Variants in PLEC observed in about 807,000 individuals in gnomAD.
The protein encoded by PLEC is plectin, also known as hemidesmosomal protein 1.
PLEC carries 216 observed loss-of-function variants against 392.8 expected under a neutral mutation model. That is an observed-to-expected ratio of 0.55 (90% CI 0.49 to 0.62). The LOEUF (loss-of-function observed/expected upper bound fraction) is 0.62, where lower values mean the gene tolerates loss of function less well. Ranked by LOEUF, PLEC falls within the 20% of genes least tolerant of loss-of-function variation. The probability of loss-of-function intolerance (pLI) is 0.00; values close to 1 mark genes in which losing one functional copy is unlikely to be tolerated. For missense variants in PLEC, 6,863 were observed against 6,563.4 expected (o/e 1.05, Z -1.58); for synonymous variants, 3,621 against 2,980.6 (o/e 1.21, Z -7.00).
At position 143,924,427 on chromosome 8, in the gene PLEC, C is replaced by T; in HGVS notation, c.5502G>A (p.Val1834=). 1 of 1,587,760 alleles carries T rather than the reference C, an allele frequency of 6.3e-7. No homozygotes were observed. The highest frequency in any genetic ancestry group is 2.3e-5 in the East Asian group (1 of 44,012). ...AARQRAEAER[V]LAEKLAAIGE... ...CGATGGCGGCCAGCTTCTCCGCAAG[C>T]ACCCGCTCCGCCTCGGCCCGCTGCC... Residue 1834 remains valine (V), a synonymous_variant, in exon 31 of 32, where the codon GTG becomes GTA. Transcript: ENST00000345136.
chr8:143,917,141 A>C lies in PLEC; in HGVS notation c.12680T>G (p.Leu4227Arg). 6.2e-7 allele frequency: 1 copy of C among 1,604,278 alleles called. No homozygotes were observed. The highest frequency in any genetic ancestry group is 8.5e-7 in the Non-Finnish European group (1 of 1,172,588). Residue 4227 changes from leucine (L) to arginine (R), a missense_variant, in exon 32 of 32, where the codon CTC becomes CGC. Physicochemically the swap from Leu to Arg is moderately radical, Grantham distance 102 (BLOSUM62 -2). Transcript: ENST00000345136. ...SALDQYRAGT[L>R]SITEFADMLS... is the part of the protein sequence containing the mutation. The stretch of plus-strand genomic sequence containing the variant: ...CATGTCGGCGAACTCGGTGATGGAG[A>C]GCGTGCCGGCGCGGTACTGGTCCAG...
At chr8:143,960,382 C>G (rs1194886302) in intron 1 of PLEC, among the ~76,000 whole-genome samples, 4 of 151,996 alleles carry the variant, frequency 2.6e-5, no homozygotes, top group Non-Finnish European at 2.9e-5. Context: ...TTTGGGAGGT[C>G]AAGGCGGGCG....
Position 143,920,495 on chromosome 8 carries a change from T to A in PLEC, c.9326A>T (p.Tyr3109Phe), listed in dbSNP as rs1554681992. The change falls in exon 32 of 32, where the codon TAC (tyrosine) becomes TTC (phenylalanine). Residue 3109 changes from tyrosine (Y) to phenylalanine (F), a missense_variant. Tyr to Phe is a conservative substitution (Grantham distance 22). Coordinates refer to ENST00000345136, the MANE Select transcript of PLEC (RefSeq NM_201384.3). ...EKAVTGYRDP[Y>F]TGQSVSLFQA... ...GAACAGGGAGACGCTCTGCCCTGTGTAGGGGTCCCTGTACCCTGTCACAGC... is the reference window on the plus strand; with the variant it reads ...GAACAGGGAGACGCTCTGCCCTGTGAAGGGGTCCCTGTACCCTGTCACAGC... The A allele has an allele frequency of 6.2e-7, 1 of 1,609,646 alleles. No homozygotes were observed. Among genetic ancestry groups the A allele is most frequent in the Non-Finnish European group, 8.5e-7 (1 of 1,178,720 alleles).
chr8:143,971,805 C>T (rs1440585999), intron 1 of PLEC, among the ~76,000 whole-genome samples: 3 of 152,128 alleles, frequency 2.0e-5, no homozygotes, highest in African/African-American at 4.8e-5. Flanking sequence ...CCTGCCCCCT[C>T]ACCAGCCTCC....
chr8:143,925,284 C>A lies in PLEC; in HGVS notation c.4645G>T (p.Glu1549Ter). 1 of 1,576,428 alleles carries A rather than the reference C, an allele frequency of 6.3e-7. No individual in the cohort carries two copies. Among genetic ancestry groups the A allele is most frequent in the East Asian group, 2.3e-5 (1 of 43,354 alleles). Reference protein sequence around the residue: ...EELRLQAEEAERRLRQAEVER... With the variant: ...EELRLQAEEA Reference sequence around the variant, plus strand: ...ACCTCGGCCTGCCGCAGGCGCCGCTCCGCCTCCTCCGCCTGCAGCCGCAGC... The same window carrying A: ...ACCTCGGCCTGCCGCAGGCGCCGCTACGCCTCCTCCGCCTGCAGCCGCAGC... Residue 1549 changes from glutamate (E) to a stop codon, truncating the protein, a stop_gained, in exon 31 of 32, where the codon GAG becomes TAG. Coordinates refer to ENST00000345136, the MANE Select transcript of PLEC (RefSeq NM_201384.3). LOFTEE classifies it high-confidence loss of function.
At chr8:143,926,708 C>G in intron 30 of PLEC, 76 bp downstream of exon 30, 1 of 1,232,286 alleles carries the variant, frequency 8.1e-7, no homozygotes, top group Admixed American at 1.7e-5. Context: ...CCTCAGGCAG[C>G]TCCTGTGGCT....
chr8:143,935,819 C>T, intron 6 of PLEC, 29 bp downstream of exon 6: 1 of 1,611,486 alleles, frequency 6.2e-7, no homozygotes, highest in Non-Finnish European at 8.5e-7. Context: ...GCCCCCAGCC[C>T]ACAGCCCCCT....
At position 143,939,510 on chromosome 8, in the gene PLEC, C is replaced by T. The variant is rs1830009488; in HGVS notation, c.-49G>A. On this transcript the variant is annotated 5_prime_UTR_variant, in exon 1 of 32. Transcript: ENST00000345136. ...CGGACCCTCGGCCTCAGGCACGGTG[C>T]TCTGGGCAGCCCCGTGTGGCACACA... 1 of 1,574,306 alleles carries T rather than the reference C, an allele frequency of 6.4e-7. No individual in the cohort carries two copies. The highest frequency in any genetic ancestry group is 1.2e-5 in the South Asian group (1 of 86,618).
rs782818198 is a variant in PLEC at position 143,932,557 on chromosome 8, G to T, written c.1820C>A (p.Ser607Tyr). 1.2e-6 allele frequency: 2 copies of T among 1,612,528 alleles called. No individual in the cohort carries two copies. Among genetic ancestry groups the T allele is most frequent in the Non-Finnish European group, 1.7e-6 (2 of 1,179,934 alleles). The change falls in exon 16 of 32, where the codon TCC becomes TAC. Residue 607 changes from serine to tyrosine, a missense_variant. Physicochemically the swap from Ser to Tyr is moderately radical, Grantham distance 144. Transcript: ENST00000345136. ...CAGGGACCTGAGGCGGGCCTTGGAG[G>T]AGTTCTGTGGGCAGGAGGGTGCGTG... ...LDLQYAKLLN[S>Y]SKARLRSLES...
upstream of PLEC, among the ~76,000 whole-genome samples, chr8:143,951,131 C>T (rs1215352283): frequency 6.6e-6 from 1 of 152,116 alleles, no homozygotes; most frequent in Non-Finnish European, 1.5e-5. Flanking sequence ...TAAACACATC[C>T]TTCAAGGTCC....
In PLEC at chr8:143,934,918, C is replaced by T. The variant is rs886044812; in HGVS notation, c.837G>A (p.Leu279=). 6.2e-7 allele frequency: 1 copy of T among 1,611,324 alleles called. No homozygotes were observed. The highest frequency in any genetic ancestry group is 1.3e-5 in the African/African-American group (1 of 75,066). The change falls in exon 9 of 32, where the codon CTG becomes CTA. Residue 279 remains leucine, a synonymous_variant. Coordinates refer to ENST00000345136, the MANE Select transcript of PLEC (RefSeq NM_201384.3). ...QDGVRANELQ[L]RWQEYRELVL... is the part of the protein sequence containing the mutation. ...CCAGCTCCCGGTACTCCTGCCAGCG[C>T]AGCTGCAGCTCCTGCGGGCAGGCAC...
At position 143,918,809 on chromosome 8, in the gene PLEC, C is replaced by T. The variant is rs2857816; in HGVS notation, c.11012G>A (p.Arg3671Lys). ...ETYNLLREGT[R>K]SLREALEAES... is the part of the protein sequence containing the mutation. ...CGCCTCGAGAGCCTCACGGAGGCTC[C>T]TGGTGCCCTCCCGGAGCAGGTTGTA... The change falls in exon 32 of 32, where the codon AGG (arginine) becomes AAG (lysine). Residue 3671 changes from arginine to lysine, a missense_variant. Physicochemically the swap from Arg to Lys is conservative, Grantham distance 26 (BLOSUM62 2). Coordinates refer to ENST00000345136, the MANE Select transcript of PLEC (RefSeq NM_201384.3). 2 of 1,613,094 alleles carry T rather than the reference C, an allele frequency of 1.2e-6. No individual in the cohort carries two copies. The highest frequency in any genetic ancestry group is 1.7e-6 in the Non-Finnish European group (2 of 1,180,032).
rs782706731 is a variant in PLEC, at chr8:143,923,144, G to C, written c.6785C>G (p.Thr2262Arg). 2 of 1,603,156 alleles carry C rather than the reference G, an allele frequency of 1.2e-6. No individual in the cohort carries two copies. The highest frequency in any genetic ancestry group is 1.7e-6 in the Non-Finnish European group (2 of 1,179,852). Reference sequence around the variant, plus strand: ...AGCCTCCTCCTGCAGGAAGCGCTGCGTATTGTCCTTGTCACGCAAGATGAG... The same window carrying C: ...AGCCTCCTCCTGCAGGAAGCGCTGCCTATTGTCCTTGTCACGCAAGATGAG... ...RALILRDKDN[T>R]QRFLQEEAEK... is the part of the protein sequence containing the mutation. The change falls in exon 31 of 32, where the codon ACG becomes AGG. Residue 2262 changes from threonine to arginine, a missense_variant. Coordinates refer to ENST00000345136, the MANE Select transcript of PLEC (RefSeq NM_201384.3).
upstream of PLEC, chr8:143,943,716 G>A (rs1830924190): frequency 3.4e-6 from 5 of 1,473,296 alleles, no homozygotes; most frequent in South Asian, 1.2e-5. Flanking sequence ...GGAATGAAGG[G>A]GCGGGAGGCA....
At chr8:143,953,875 C>G, upstream of PLEC, 2 of 1,549,094 alleles carry the variant, frequency 1.3e-6, no homozygotes, top group Admixed American at 1.9e-5. Context: ...GCCCGGAGGT[C>G]CGGGGCAGGG....
chr8:143,957,639 C>G (rs1231079474), upstream of PLEC, among the ~76,000 whole-genome samples: 5 of 152,220 alleles, frequency 3.3e-5, no homozygotes, highest in Admixed American at 2.6e-4. Flanking sequence ...CTCCTCTTCA[C>G]CAGTCCCCAG....
At chr8:143,975,239 C>T (rs782602309), upstream of PLEC, 21 of 1,606,874 alleles carry the variant, frequency 1.3e-5, no homozygotes, top group Non-Finnish European at 1.8e-5. The surrounding 1 kb of genome is among the most constrained non-coding windows in gnomAD (Gnocchi z 9.9). Context: ...CCCAGCGCCA[C>T]CCCCGCTGCG....
At chr8:143,958,582 C>T (rs892348488), upstream of PLEC, 7 of 419,062 alleles carry the variant, frequency 1.7e-5, no homozygotes, top group African/African-American at 2.0e-5. The surrounding 1 kb of genome is among the most constrained non-coding windows in gnomAD (Gnocchi z 4.9). Context: ...TAGCCTCCCT[C>T]GTTGCCCCTC....
chr8:143,934,331 TG>T lies in PLEC; in HGVS notation c.1155del (p.Ser386AlafsTer13). 1 of 1,612,330 alleles carries T rather than the reference TG, an allele frequency of 6.2e-7. No individual in the cohort carries two copies. The highest frequency in any genetic ancestry group is 8.5e-7 in the Non-Finnish European group (1 of 1,179,912). ...VAILEREKQL[R>X]SEFERLECLQ... Reference sequence around the variant, plus strand: ...GGCCCCACCCACCTCTCAAACTCGCTGCGGAGCTGCTTCTCCCGCTCCAGGA... The same window carrying T: ...GGCCCCACCCACCTCTCAAACTCGCTCGGAGCTGCTTCTCCCGCTCCAGGA... On this transcript the variant is annotated frameshift_variant, in exon 11 of 32. Coordinates refer to ENST00000345136, the MANE Select transcript of PLEC (RefSeq NM_201384.3). LOFTEE classifies it high-confidence loss of function.
Sources: allele counts gnomAD v4.1 joint callset (sites outside exome capture counted in the v4.1 genomes callset), GRCh38; gene constraint gnomAD v4.1.1; non-coding constraint Gnocchi (gnomAD v3.1); transcripts MANE v1.5; gene names NCBI Gene and HGNC (gene_info 2026-07-23, HGNC 2026-07-21).